GPD2: variants seen among roughly 807,000 people sequenced by gnomAD.
GPD2 encodes the protein glycerol-3-phosphate dehydrogenase 2.
GPD2 carries 54 observed loss-of-function variants against 82.4 expected under a neutral mutation model. The ratio of observed to expected loss-of-function variants is 0.66; its 90% confidence interval spans 0.53 to 0.82. The LOEUF is 0.82. Ranked by LOEUF, GPD2 falls within the 40% of genes least tolerant of loss-of-function variation. GPD2 has a pLI of 0.00. For missense variants in GPD2, 748 were observed against 896.2 expected (o/e 0.83, Z 2.11); for synonymous variants, 288 against 306.1 (o/e 0.94, Z 0.62).
chr2:156,515,671 A>C (rs1685174691), intron 6 of GPD2, among the ~76,000 whole-genome samples: 1 of 152,214 alleles, frequency 6.6e-6, no homozygotes, highest in African/African-American at 2.4e-5. Flanking sequence ...AATTCCTGAA[A>C]AATTTAAAAA....
At chr2:156,500,700 CCAAATG>C (rs1684557845) in intron 3 of GPD2, among the ~76,000 whole-genome samples, 1 of 151,938 alleles carries the variant, frequency 6.6e-6, no homozygotes, top group Admixed American at 6.6e-5. Context: ...AATACTGTGC[CCAAATG>C]CAATTTTAGT....
chr2:156,507,140 A>C (rs1456392750), intron 3 of GPD2, among the ~76,000 whole-genome samples: 2 of 151,556 alleles, frequency 1.3e-5, no homozygotes, highest in Non-Finnish European at 2.9e-5. Context: ...CAGCCTCCTG[A>C]GTAGCTGGGA....
chr2:156,555,022 G>T (rs1407691345), intron 8 of GPD2, among the ~76,000 whole-genome samples: 1 of 152,186 alleles, frequency 6.6e-6, no homozygotes, highest in Non-Finnish European at 1.5e-5. Flanking sequence ...GTTGCATTGC[G>T]TATACTATCG....
intron 6 of GPD2, among the ~76,000 whole-genome samples, chr2:156,531,019 A>C (rs552018634): frequency 6.6e-6 from 1 of 152,338 alleles, no homozygotes; most frequent in Admixed American, 6.5e-5. Context: ...AAAACCAAGC[A>C]TAAACATTAT....
At chr2:156,473,595 G>C (rs1047040994) in intron 1 of GPD2, 5 of 152,184 alleles carry the variant, frequency 3.3e-5, no homozygotes, top group Non-Finnish European at 7.3e-5. Flanking sequence ...ATATCCTAGG[G>C]ACCACCACAC....
At chr2:156,491,448 C>T (rs1368558760) in intron 2 of GPD2, among the ~76,000 whole-genome samples, 3 of 152,126 alleles carry the variant, frequency 2.0e-5, no homozygotes, top group Admixed American at 1.3e-4. Flanking sequence ...ATTTGCTGAC[C>T]CCTGATTTAG....
intron 6 of GPD2, among the ~76,000 whole-genome samples, chr2:156,547,809 G>A (rs1686604759): frequency 6.6e-6 from 1 of 152,176 alleles, no homozygotes. Flanking sequence ...TCACCTTAGA[G>A]TCAGATGAAT....
chr2:156,538,425 A>G (rs1244870086), intron 6 of GPD2, among the ~76,000 whole-genome samples: 1 of 152,070 alleles, frequency 6.6e-6, no homozygotes, highest in East Asian at 1.9e-4. Flanking sequence ...TAATTTATTC[A>G]TTCCTATGAG....
chr2:156,471,614 T>C (rs1249047476), intron 1 of GPD2, among the ~76,000 whole-genome samples: 2 of 152,188 alleles, frequency 1.3e-5, no homozygotes, highest in African/African-American at 4.8e-5. Context: ...TAACGTTCCC[T>C]ACTCACTCCC....
chr2:156,491,592 T>C (rs1409593762), intron 2 of GPD2, among the ~76,000 whole-genome samples: 2 of 152,208 alleles, frequency 1.3e-5, no homozygotes, highest in Non-Finnish European at 2.9e-5. Context: ...AGTTTTTTTT[T>C]CCAGTTGAGG....
intron 9 of GPD2, among the ~76,000 whole-genome samples, chr2:156,557,871 C>T (rs572272613): frequency 6.6e-6 from 1 of 152,230 alleles, no homozygotes; most frequent in African/African-American, 2.4e-5. Context: ...TTCCAGAAAA[C>T]GATGAAATGT....
intron 1 of GPD2, among the ~76,000 whole-genome samples, chr2:156,467,596 G>A (rs575554782): frequency 3.9e-5 from 6 of 152,254 alleles, no homozygotes; most frequent in East Asian, 1.9e-4. Context: ...AGAAGGTGAC[G>A]GAAGGATAAA....
intron 1 of GPD2, among the ~76,000 whole-genome samples, chr2:156,437,983 C>A (rs1682011493): frequency 6.6e-6 from 1 of 152,188 alleles, no homozygotes; most frequent in African/African-American, 2.4e-5. Context: ...TTTCTTTCAT[C>A]TCTAGCGTGT....
In GPD2 at chr2:156,510,807, G is replaced by A. The variant is rs1426327643; in HGVS notation, c.286G>A (p.Ala96Thr). 1 of 1,613,116 alleles carries A rather than the reference G, an allele frequency of 6.2e-7. No individual in the cohort carries two copies. Among genetic ancestry groups the A allele is most frequent in the African/African-American group, 1.3e-5 (1 of 74,906 alleles). ...LDAVTRGLKT[A>T]LVERDDFSSG... ...TTCTGGTTACACAGGACTAAAAACA[G>A]CCCTTGTAGAAAGAGATGATTTCTC... is the stretch of plus-strand genomic sequence containing the variant. The change falls in exon 4 of 17, where the codon GCC becomes ACC. Residue 96 changes from alanine (A) to threonine (T), a missense_variant. Ala to Thr is a moderately conservative substitution (Grantham distance 58, BLOSUM62 0). Transcript: ENST00000438166.
At position 156,510,881 on chromosome 2, in the gene GPD2, A is replaced by G. The variant is rs758531082; in HGVS notation, c.360A>G (p.Arg120=). Reference sequence around the variant, plus strand: ...CTAAATTGATCCATGGTGGTGTGAGATATCTGCAGAAGGCCATCATGAAGT... The same window carrying G: ...CTAAATTGATCCATGGTGGTGTGAGGTATCTGCAGAAGGCCATCATGAAGT... ...RSTKLIHGGV[R]YLQKAIMKLD... is the part of the protein sequence containing the mutation. The change falls in exon 4 of 17, where the codon AGA becomes AGG. Residue 120 remains arginine (R), a synonymous_variant. Transcript: ENST00000438166. 5.0e-6 allele frequency: 8 copies of G among 1,613,082 alleles called. No individual in the cohort carries two copies. The highest frequency in any genetic ancestry group is 2.2e-5 in the East Asian group (1 of 44,874).
At chr2:156,431,615 GA>G (rs1220149631), upstream of GPD2, among the ~76,000 whole-genome samples, 1 of 151,966 alleles carries the variant, frequency 6.6e-6, no homozygotes, top group Non-Finnish European at 1.5e-5. Flanking sequence ...AGGCATATAG[GA>G]AATTGTGTTC....
At chr2:156,554,330 T>C (rs775720677) in intron 8 of GPD2, among the ~76,000 whole-genome samples, 3 of 152,216 alleles carry the variant, frequency 2.0e-5, no homozygotes, top group African/African-American at 4.8e-5. Flanking sequence ...TGGCTAATGA[T>C]AATTTAAAAC....
intron 8 of GPD2, among the ~76,000 whole-genome samples, chr2:156,551,903 C>A (rs1460616968): frequency 6.6e-6 from 1 of 152,072 alleles, no homozygotes; most frequent in Non-Finnish European, 1.5e-5. Context: ...TTATTTCTTT[C>A]CATGTTTTAA....
the GPD2 span, among the ~76,000 whole-genome samples, chr2:156,407,494 A>G: frequency 5.3e-5 from 8 of 152,256 alleles, no homozygotes; most frequent in Admixed American, 4.6e-4. Context: ...ACTGTCTTTT[A>G]TGGACTAGGA....
Sources: gnomAD v4.1 joint callset for allele counts (sites outside exome capture counted in the v4.1 genomes callset) on GRCh38, gnomAD v4.1.1 for gene constraint, MANE v1.5 for transcripts, NCBI Gene and HGNC (gene_info 2026-07-23, HGNC 2026-07-21) for gene names.